STARD13: variants seen among roughly 807,000 people sequenced by gnomAD.
STARD13 encodes StAR related lipid transfer domain containing 13, also known as stAR-related lipid transfer protein 13.
In STARD13, 62 loss-of-function variants were observed where a neutral mutation model predicts 106.4. That is an observed-to-expected ratio of 0.58 (90% CI 0.48 to 0.72). The LOEUF is 0.72. Among genes scored for constraint, STARD13 ranks in the 30% least tolerant of loss-of-function variants. The pLI, the probability that STARD13 is intolerant of heterozygous loss-of-function variation, is 0.00. For synonymous variants in STARD13, 565 were observed against 553.0 expected, an observed-to-expected ratio of 1.02 and a Z score of -0.31; for missense variants, 1,387 against 1,424.0, an observed-to-expected ratio of 0.97 and a Z score of 0.42.
intron 1 of STARD13, among the ~76,000 whole-genome samples, chr13:33,216,783 C>A (rs769820126): frequency 6.6e-5 from 10 of 152,074 alleles, no homozygotes; most frequent in Non-Finnish European, 1.0e-4. Context: ...ACCTGACAAC[C>A]ATAACTGAAG....
At chr13:33,363,297 G>C in the STARD13 span, among the ~76,000 whole-genome samples, 1 of 152,094 alleles carries the variant, frequency 6.6e-6, no homozygotes, top group Non-Finnish European at 1.5e-5. Flanking sequence ...TGTACACACA[G>C]AGCTATTTTA....
At chr13:33,359,768 G>A in the STARD13 span, among the ~76,000 whole-genome samples, 5 of 152,090 alleles carry the variant, frequency 3.3e-5, no homozygotes, top group African/African-American at 1.2e-4. Context: ...AACTTGATAG[G>A]CTATTTCCCC....
chr13:33,186,629 T>C (rs1885794436), intron 1 of STARD13, among the ~76,000 whole-genome samples: 1 of 152,198 alleles, frequency 6.6e-6, no homozygotes, highest in South Asian at 2.1e-4. Flanking sequence ...TACTTCTTTT[T>C]TCTGTGGAGT....
At chr13:33,290,602 A>G (rs770879638), upstream of STARD13, among the ~76,000 whole-genome samples, 4 of 152,192 alleles carry the variant, frequency 2.6e-5, no homozygotes, top group African/African-American at 4.8e-5. Flanking sequence ...CCTGCCGCAA[A>G]CACTTGTAAG....
At chr13:33,636,474 G>A in the STARD13 span, among the ~76,000 whole-genome samples, 1 of 152,142 alleles carries the variant, frequency 6.6e-6, no homozygotes, top group African/African-American at 2.4e-5. Context: ...TGGGACACCA[G>A]GGCAATAGGC....
At chr13:33,564,206 C>CAAAAAAAAAAAAAAAAAAAAAAAAAA in the STARD13 span, among the ~76,000 whole-genome samples, 2 of 53,870 alleles carry the variant, frequency 3.7e-5, no homozygotes, top group Non-Finnish European at 7.8e-5. Flanking sequence ...GACTGTATCT[C>CAAAAAAAAAAAAAAAAAAAAAAAAAA]AAAAAAAAAA....
the STARD13 span, among the ~76,000 whole-genome samples, chr13:33,631,830 A>G: frequency 6.6e-6 from 1 of 152,194 alleles, no homozygotes; most frequent in Non-Finnish European, 1.5e-5. Flanking sequence ...TATTTTCATG[A>G]TATCTGGTGA....
chr13:33,492,051 G>A, the STARD13 span, among the ~76,000 whole-genome samples: 8 of 152,150 alleles, frequency 5.3e-5, no homozygotes, highest in African/African-American at 1.7e-4. Flanking sequence ...TGGCGGGCAG[G>A]GGTGGGGGTC....
chr13:33,292,250 T>C (rs1429115418), intron 1 of STARD13, among the ~76,000 whole-genome samples: 1 of 152,000 alleles, frequency 6.6e-6, no homozygotes, highest in African/African-American at 2.4e-5. Flanking sequence ...ATCCGTAAGA[T>C]GAAAAACAAA....
At position 33,195,888 on chromosome 13, in the gene STARD13, C is replaced by G. The variant is rs1048716961; in HGVS notation, c.170-28266G>C. ...CAATCATTCTCCCTCAAAGGGTGGT[C>G]GTGAGGATGAAATGAGTGCTCTGTA... On this transcript the variant is annotated intron_variant, in intron 1 of 13. Transcript: ENST00000336934. Among the ~76,000 whole-genome samples the G allele has an allele frequency of 5.3e-5, 8 of 152,046 alleles. No homozygotes were observed. In the East Asian group the frequency reaches 1.5e-3, roughly 29 times the overall value.
chr13:33,335,014 A>G, intron 1 of STARD13: 1 of 152,370 alleles, frequency 6.6e-6, no homozygotes. Context: ...CCTGGACAGG[A>G]TAGAGCTCAC....
At chr13:33,542,895 A>G in the STARD13 span, among the ~76,000 whole-genome samples, 1 of 152,224 alleles carries the variant, frequency 6.6e-6, no homozygotes, top group Middle Eastern at 3.4e-3. Context: ...AACCTTCCAG[A>G]GAAACCGTGG....
At chr13:33,555,358 C>T in the STARD13 span, among the ~76,000 whole-genome samples, 216 of 152,318 alleles carry the variant, frequency 1.4e-3, 2 homozygotes, top group African/African-American at 4.1e-3. Context: ...AGTCAGAGGC[C>T]AGACCAGCAG....
At chr13:33,332,798 T>C (rs9591669) in intron 1 of STARD13, among the ~76,000 whole-genome samples, 28,261 of 152,138 alleles carry the variant, frequency 0.19, 2,953 homozygotes, top group Non-Finnish European at 0.22. Context: ...TTATTATTGT[T>C]TCCACCACTT....
chr13:33,364,583 A>G, the STARD13 span, among the ~76,000 whole-genome samples: 1 of 152,200 alleles, frequency 6.6e-6, no homozygotes, highest in Admixed American at 6.5e-5. Flanking sequence ...AAAGGAGAAT[A>G]GAATAACGAT....
upstream of STARD13, among the ~76,000 whole-genome samples, chr13:33,286,294 G>A (rs1892056266): frequency 6.6e-6 from 1 of 152,122 alleles, no homozygotes; most frequent in Non-Finnish European, 1.5e-5. Flanking sequence ...TTAACACCAG[G>A]AGTGAATACA....
intron 1 of STARD13, among the ~76,000 whole-genome samples, chr13:33,227,633 T>C (rs1038148809): frequency 1.3e-5 from 2 of 152,226 alleles, no homozygotes; most frequent in East Asian, 3.9e-4. Flanking sequence ...CCAAATACCC[T>C]GAAAAAGGTA....
At chr13:33,624,029 T>G in the STARD13 span, among the ~76,000 whole-genome samples, 1 of 152,236 alleles carries the variant, frequency 6.6e-6, no homozygotes, top group Non-Finnish European at 1.5e-5. Flanking sequence ...TAAAATAAAT[T>G]ACAAACATTT....
intron 1 of STARD13, among the ~76,000 whole-genome samples, chr13:33,252,748 T>C (rs1412037605): frequency 1.3e-5 from 2 of 152,254 alleles, no homozygotes; most frequent in African/African-American, 4.8e-5. Context: ...TCAAATCATT[T>C]AGCAAGATTT....
Sources: gnomAD v4.1 joint callset for allele counts (sites outside exome capture counted in the v4.1 genomes callset) on GRCh38, gnomAD v4.1.1 for gene constraint, MANE v1.5 for transcripts, NCBI Gene and HGNC (gene_info 2026-07-23, HGNC 2026-07-21) for gene names.